TCF4: variants seen among roughly 807,000 people sequenced by gnomAD.
TCF4 encodes transcription factor 4.
Under a neutral mutation model 82.1 loss-of-function variants are expected in TCF4, and 3 were observed. The ratio of observed to expected loss-of-function variants is 0.04; its 90% CI spans 0.02 to 0.09. TCF4 has a LOEUF of 0.09. Ranked by LOEUF, TCF4 falls within the 10% of genes least tolerant of loss-of-function variation. The pLI, the probability that TCF4 is intolerant of heterozygous loss-of-function variation, is 1.00. For missense variants in TCF4, 518 were observed against 852.7 expected (o/e 0.61, Z 4.89); for synonymous variants, 276 against 309.6 (o/e 0.89, Z 1.14).
chr18:55,404,613 C>A (rs1222056313), intron 5 of TCF4, among the ~76,000 whole-genome samples: 1 of 152,124 alleles, frequency 6.6e-6, no homozygotes, highest in Admixed American at 6.5e-5. Context: ...AGTTTACAAC[C>A]CCCAAGTTTT....
intron 3 of TCF4, among the ~76,000 whole-genome samples, chr18:55,570,786 A>C (rs2097456692): frequency 6.6e-6 from 1 of 151,768 alleles, no homozygotes; most frequent in Non-Finnish European, 1.5e-5. Flanking sequence ...AGGCTGAGGC[A>C]AGAGGATAAC....
intron 2 of TCF4, among the ~76,000 whole-genome samples, chr18:55,605,625 G>A (rs141897417): frequency 3.3e-5 from 5 of 152,116 alleles, no homozygotes; most frequent in Admixed American, 1.3e-4. Flanking sequence ...TAAAAAAGAC[G>A]GACTTGCATT....
chr18:55,409,890 T>A (rs1412626324), intron 5 of TCF4, among the ~76,000 whole-genome samples: 1 of 152,180 alleles, frequency 6.6e-6, no homozygotes, highest in Non-Finnish European at 1.5e-5. Flanking sequence ...AAGCAGAAGC[T>A]GACATTATTC....
chr18:55,417,010 A>G (rs899313614), intron 5 of TCF4, among the ~76,000 whole-genome samples: 1 of 152,232 alleles, frequency 6.6e-6, no homozygotes, highest in Non-Finnish European at 1.5e-5. Flanking sequence ...ACAATCCATT[A>G]TATCTGACAA....
intron 8 of TCF4, among the ~76,000 whole-genome samples, chr18:55,285,739 G>A (rs1257702887): frequency 3.3e-5 from 5 of 152,148 alleles, no homozygotes; most frequent in Non-Finnish European, 5.9e-5. Flanking sequence ...GCCACTCGCC[G>A]TCAGGACAGC....
chr18:55,589,506 A>G, upstream of TCF4: 1 of 1,054,640 alleles, frequency 9.5e-7, no homozygotes, highest in Non-Finnish European at 1.1e-6. Flanking sequence ...AACTGCAACA[A>G]AATTCCCTCC....
At chr18:55,228,464 T>C in intron 18 of TCF4, 103 bp from the exon 19 acceptor site, 1 of 1,498,956 alleles carries the variant, frequency 6.7e-7, no homozygotes, top group Non-Finnish European at 9.2e-7. Context: ...TCAGTGTTTA[T>C]ATTACAGAAC....
At chr18:55,455,837 T>G (rs1169096288) in intron 5 of TCF4, among the ~76,000 whole-genome samples, 2 of 152,216 alleles carry the variant, frequency 1.3e-5, no homozygotes, top group Non-Finnish European at 2.9e-5. Flanking sequence ...TTTGAAAAAT[T>G]ATGTTTCTTT....
chr18:55,554,636 G>A (rs552914100), intron 3 of TCF4, among the ~76,000 whole-genome samples: 1 of 152,256 alleles, frequency 6.6e-6, no homozygotes, highest in Non-Finnish European at 1.5e-5. Context: ...TCAACAGAAA[G>A]CACAGATATT....
chr18:55,319,826 C>CA (rs1400353162), intron 8 of TCF4, among the ~76,000 whole-genome samples: 1 of 151,910 alleles, frequency 6.6e-6, no homozygotes, highest in African/African-American at 2.4e-5. Flanking sequence ...TCCTTTTGGC[C>CA]AAAAGGGAGT....
rs921579450 is a variant in TCF4, at chr18:55,226,387, C to T, written c.*1648G>A. 1 of 152,406 alleles carries T rather than the reference C, an allele frequency of 6.6e-6. No individual in the cohort carries two copies. The highest frequency in any genetic ancestry group is 1.9e-4 in the East Asian group (1 of 5,196). 9.4% of individuals were successfully genotyped at this position (152,406 alleles called of 1,614,324 possible). A position where few individuals can be genotyped will look rare whatever the true frequency, so the allele number is the denominator to read the frequency against. ...CTAGGAGCACTATTTGTTTACTGCACTATACACCAAAGTCAATCATTATAA... is the reference window on the plus strand; with the variant it reads ...CTAGGAGCACTATTTGTTTACTGCATTATACACCAAAGTCAATCATTATAA... On this transcript the variant is annotated 3_prime_UTR_variant, in exon 20 of 20. Coordinates refer to ENST00000354452, the MANE Select transcript of TCF4 (RefSeq NM_001083962.2).
intron 8 of TCF4, among the ~76,000 whole-genome samples, chr18:55,309,419 G>A (rs2071519457): frequency 6.6e-6 from 1 of 152,030 alleles, no homozygotes; most frequent in Non-Finnish European, 1.5e-5. Context: ...ACTGTGCCTG[G>A]CCTTCATTTG....
At chr18:55,457,642 C>T (rs868326829) in intron 5 of TCF4, among the ~76,000 whole-genome samples, 6 of 152,116 alleles carry the variant, frequency 3.9e-5, no homozygotes, top group Admixed American at 1.3e-4. Context: ...TGTGCCACCA[C>T]GCCTGGCTAA....
intron 8 of TCF4, among the ~76,000 whole-genome samples, chr18:55,331,861 G>A (rs2077630300): frequency 1.3e-5 from 2 of 152,294 alleles, no homozygotes; most frequent in Non-Finnish European, 2.9e-5. Flanking sequence ...GGCAGAGAGT[G>A]TATTCAAAAA....
chr18:55,381,708 T>C (rs548415004), intron 6 of TCF4, among the ~76,000 whole-genome samples: 1 of 152,318 alleles, frequency 6.6e-6, no homozygotes, highest in South Asian at 2.1e-4. Context: ...ACAAAAGATG[T>C]GTAGAGTATC....
rs767011774 is a variant in TCF4 at position 55,585,370 on chromosome 18, ATAT to A, written c.73-21_73-19del. 3 of 1,610,708 alleles carry A rather than the reference ATAT, an allele frequency of 1.9e-6. No individual in the cohort carries two copies. In the African/African-American group the frequency reaches 4.0e-5, roughly 22 times the overall value. On this transcript the variant is annotated intron_variant, in intron 2 of 19. Transcript: ENST00000354452. ...GAAAACATCTAAAAGAAACAAAGAA[ATAT>A]TACAGTTGAAAAGAAGACACTTGTG... is the stretch of plus-strand genomic sequence containing the variant.
intron 6 of TCF4, among the ~76,000 whole-genome samples, chr18:55,393,307 T>A (rs1414692082): frequency 6.6e-6 from 1 of 152,118 alleles, no homozygotes; most frequent in South Asian, 2.1e-4. Flanking sequence ...AAGGTTGCAG[T>A]GAGCTATGAC....
chr18:55,515,792 T>G (rs557957498), intron 3 of TCF4, among the ~76,000 whole-genome samples: 4 of 152,136 alleles, frequency 2.6e-5, no homozygotes, highest in African/African-American at 9.7e-5. Flanking sequence ...AAGAGAAAAG[T>G]TAGTCTCAAA....
intron 3 of TCF4, among the ~76,000 whole-genome samples, chr18:55,531,588 A>G (rs566737008): frequency 1.9e-4 from 29 of 152,334 alleles, no homozygotes; most frequent in African/African-American, 7.0e-4. Flanking sequence ...TATTTTGTAG[A>G]GGAATAGTAT....
Sources: gnomAD v4.1 joint callset for allele counts (sites outside exome capture counted in the v4.1 genomes callset) on GRCh38, gnomAD v4.1.1 for gene constraint, MANE v1.5 for transcripts, NCBI Gene and HGNC (gene_info 2026-07-23, HGNC 2026-07-21) for gene names.